CLPSL2: variants seen among roughly 807,000 people sequenced by gnomAD.
CLPSL2 encodes colipase-like protein 2.
CLPSL2 carries 4 observed loss-of-function variants against 7.9 expected under a neutral mutation model. That is an observed-to-expected ratio of 0.50 (90% CI 0.25 to 1.15). The LOEUF is 1.15. CLPSL2 is among the 50% of genes most tolerant of loss of function. The probability of loss-of-function intolerance (pLI) is 0.15; values close to 1 mark genes in which losing one functional copy is unlikely to be tolerated. For synonymous variants in CLPSL2, 67 were observed against 53.1 expected (o/e 1.26, Z -1.14); for missense variants, 132 against 136.6 (o/e 0.97, Z 0.17).
intron 2 of CLPSL2, 191 bp downstream of exon 2, chr6:35,777,772 G>C: frequency 1.4e-6 from 1 of 731,212 alleles, no homozygotes; most frequent in East Asian, 2.7e-5. Context: ...CCTCCTTGGA[G>C]CTCCTGTACC....
rs768141300 is a variant in CLPSL2 at position 35,779,383 on chromosome 6, CT to C, written c.238del (p.Cys80AlafsTer5). The C allele has an allele frequency of 6.3e-7, 1 of 1,583,048 alleles. No homozygotes were observed. Among genetic ancestry groups the C allele is most frequent in the Admixed American group, 1.8e-5 (1 of 55,610 alleles). On this transcript the variant is annotated frameshift_variant, in exon 3 of 3. Coordinates refer to ENST00000403376, the MANE Select transcript of CLPSL2 (RefSeq NM_207409.4). LOFTEE classifies it low-confidence loss of function (END_TRUNC). ...AAGGGAGCTACCAACATCATCTGCC[CT>C]TGCCGGATGGGCTTGACGTGCATAT... ...QTKGATNIIC[P>X]CRMGLTCISK... is the part of the protein sequence containing the mutation.
chr6:35,776,656 CG>C lies in CLPSL2; in HGVS notation c.43del (p.Ala15ArgfsTer48). On this transcript the variant is annotated frameshift_variant, in exon 1 of 3. Coordinates refer to ENST00000403376, the MANE Select transcript of CLPSL2 (RefSeq NM_207409.4). LOFTEE classifies it high-confidence loss of function. ...AALALVAGVL[S>X]GAVLPLWSAL... ...CTGGCGCTCGTGGCGGGGGTCCTGTCGGGGGCGGTGCTGCCCCTCTGGAGCG... is the reference window on the plus strand; with the variant it reads ...CTGGCGCTCGTGGCGGGGGTCCTGTCGGGGCGGTGCTGCCCCTCTGGAGCG... 6.7e-7 allele frequency: 1 copy of C among 1,493,608 alleles called. No individual in the cohort carries two copies. The allele number at this position is 1,493,608 out of a possible 1,614,324, so 92.5% of individuals were successfully genotyped here. A position where few individuals can be genotyped will look rare whatever the true frequency, so the allele number is the denominator to read the frequency against.
chr6:35,777,674 C>T, intron 2 of CLPSL2, 93 bp downstream of exon 2: 1 of 1,376,334 alleles, frequency 7.3e-7, no homozygotes, highest in South Asian at 1.4e-5. Context: ...TTTTTCACCT[C>T]TGTCTGGAGT....
At chr6:35,778,710 G>C (rs1314743251) in intron 2 of CLPSL2, among the ~76,000 whole-genome samples, 1 of 152,234 alleles carries the variant, frequency 6.6e-6, no homozygotes, top group Non-Finnish European at 1.5e-5. Flanking sequence ...CTATGTCCCT[G>C]TGTGGGGAGT....
chr6:35,778,359 G>A (rs1418370549), intron 2 of CLPSL2, among the ~76,000 whole-genome samples: 1 of 152,252 alleles, frequency 6.6e-6, no homozygotes, highest in Non-Finnish European at 1.5e-5. Context: ...CCCTGCCACA[G>A]TGACATGATT....
Position 35,776,714 on chromosome 6 carries a change from A to T in CLPSL2, c.84+12A>T. On this transcript the variant is annotated intron_variant, in intron 1 of 2. Coordinates refer to ENST00000403376, the MANE Select transcript of CLPSL2 (RefSeq NM_207409.4). ...CGCAATATAAAAAGGTGAGCCGGGG[A>T]GCGCGCCCAGCCGGCCGCGACCGCA... 7.3e-7 allele frequency: 1 copy of T among 1,377,792 alleles called. No individual in the cohort carries two copies. The highest frequency in any genetic ancestry group is 9.3e-7 in the Non-Finnish European group (1 of 1,070,044). 85.3% of individuals were successfully genotyped at this position (1,377,792 alleles called of 1,614,324 possible). A position where few individuals can be genotyped will look rare whatever the true frequency, so the allele number is the denominator to read the frequency against.
intron 2 of CLPSL2, among the ~76,000 whole-genome samples, chr6:35,778,881 C>T (rs1471639614): frequency 1.3e-5 from 2 of 152,132 alleles, no homozygotes; most frequent in African/African-American, 4.8e-5. Flanking sequence ...GCAACCTCCA[C>T]CTCCTGGGTT....
At chr6:35,779,266 G>T in intron 2 of CLPSL2, 89 bp from the exon 3 acceptor site, 1 of 1,065,360 alleles carries the variant, frequency 9.4e-7, no homozygotes, top group Non-Finnish European at 1.4e-6. Context: ...CTCCAGGCCT[G>T]GTACTCTTGG....
At chr6:35,777,906 C>T (rs563292873) in intron 2 of CLPSL2, 5 of 717,384 alleles carry the variant, frequency 7.0e-6, no homozygotes, top group Non-Finnish European at 1.0e-5. Context: ...GAAGCACCTA[C>T]CCCCAGCTTA....
In CLPSL2 at chr6:35,779,492, C is replaced by T. The variant is rs1011172654; in HGVS notation, c.*42C>T. The T allele has an allele frequency of 1.9e-6, 3 of 1,553,676 alleles. No homozygotes were observed. The African/African-American group carries it at 4.1e-5, about 21-fold the overall frequency. ...GTCACTGCTCCCTTGGGGCCATAGG[C>T]CCTGGTTGCCACCAACTTGCTCCAA... On this transcript the variant is annotated 3_prime_UTR_variant, in exon 3 of 3. Coordinates refer to ENST00000403376, the MANE Select transcript of CLPSL2 (RefSeq NM_207409.4).
In CLPSL2 at chr6:35,779,395, G is replaced by A. The variant is rs769805715; in HGVS notation, c.248G>A (p.Gly83Asp). 1 of 1,585,880 alleles carries A rather than the reference G, an allele frequency of 6.3e-7. No homozygotes were observed. The highest frequency in any genetic ancestry group is 1.2e-5 in the South Asian group (1 of 86,704). ...AACATCATCTGCCCTTGCCGGATGG[G>A]CTTGACGTGCATATCCAAGGACTTG... The part of the protein sequence containing the change: ...ATNIICPCRM[G>D]LTCISKDLMC... Residue 83 changes from glycine to aspartate, a missense_variant, in exon 3 of 3, where the codon GGC (glycine) becomes GAC (aspartate). Coordinates refer to ENST00000403376, the MANE Select transcript of CLPSL2 (RefSeq NM_207409.4).
chr6:35,779,435 G>T lies in CLPSL2; in HGVS notation c.288G>T (p.Arg96=). The T allele has an allele frequency of 6.3e-7, 1 of 1,582,474 alleles. No homozygotes were observed. Among genetic ancestry groups the T allele is most frequent in the Non-Finnish European group, 8.6e-7 (1 of 1,164,136 alleles). Residue 96 remains arginine, a synonymous_variant, in exon 3 of 3, where the codon CGG becomes CGT. Coordinates refer to ENST00000403376, the MANE Select transcript of CLPSL2 (RefSeq NM_207409.4). ...CCAAGGACTTGATGTGTTCCCGCCG[G>T]TGCCATATGATTTAGAGGAAGATGC... ...CISKDLMCSR[R]CHMI
At chr6:35,776,785 G>A (rs1226129407) in intron 1 of CLPSL2, 83 bp downstream of exon 1, 2 of 1,249,370 alleles carry the variant, frequency 1.6e-6, no homozygotes, top group Admixed American at 4.1e-5. Context: ...CGAAGGCGCC[G>A]GGCAGCCTGA....
rs775475316 is a variant in CLPSL2 at position 35,777,544 on chromosome 6, C to T, written c.170C>T (p.Ala57Val). 48 of 1,613,516 alleles carry T rather than the reference C, an allele frequency of 3.0e-5. No homozygotes were observed. Among genetic ancestry groups the T allele is most frequent in the Non-Finnish European group, 3.4e-5 (40 of 1,179,748 alleles). The change falls in exon 2 of 3, where the codon GCC (alanine) becomes GTC (valine). Residue 57 changes from alanine (A) to valine (V), a missense_variant. Coordinates refer to ENST00000403376, the MANE Select transcript of CLPSL2 (RefSeq NM_207409.4). ...MDLDSGGAFC[A>V]PRARITMICL... ...TTGGACTCCGGTGGAGCCTTCTGTG[C>T]CCCCAGGGCCAGAATAACCATGATC...
Position 35,779,463 on chromosome 6 carries a change from G to C in CLPSL2, c.*13G>C. 6.4e-7 allele frequency: 1 copy of C among 1,564,094 alleles called. No individual in the cohort carries two copies. The highest frequency in any genetic ancestry group is 8.7e-7 in the Non-Finnish European group (1 of 1,153,998). ...CCATATGATTTAGAGGAAGATGCAG[G>C]CTGGTCACTGCTCCCTTGGGGCCAT... On this transcript the variant is annotated 3_prime_UTR_variant, in exon 3 of 3. Coordinates refer to ENST00000403376, the MANE Select transcript of CLPSL2 (RefSeq NM_207409.4).
At chr6:35,779,242 C>T in intron 2 of CLPSL2, 113 bp from the exon 3 acceptor site, 1 of 781,248 alleles carries the variant, frequency 1.3e-6, no homozygotes, top group Non-Finnish European at 2.0e-6. Context: ...TAGAGACAGC[C>T]CAGGTCTGTC....
chr6:35,776,662 C>T lies in CLPSL2; in HGVS notation c.44C>T (p.Ala15Val). Residue 15 changes from alanine (A) to valine (V), a missense_variant, in exon 1 of 3, where the codon GCG becomes GTG. Transcript: ENST00000403376. Reference protein sequence around the residue: ...LALVAGVLSGAVLPLWSALPQ... With the variant: ...LALVAGVLSGVVLPLWSALPQ... ...CTCGTGGCGGGGGTCCTGTCGGGGGCGGTGCTGCCCCTCTGGAGCGCGCTT... is the reference window on the plus strand; with the variant it reads ...CTCGTGGCGGGGGTCCTGTCGGGGGTGGTGCTGCCCCTCTGGAGCGCGCTT... 1 of 1,485,858 alleles carries T rather than the reference C, an allele frequency of 6.7e-7. No individual in the cohort carries two copies. Among genetic ancestry groups the T allele is most frequent in the Non-Finnish European group, 8.9e-7 (1 of 1,125,746 alleles). The allele number at this position is 1,485,858 out of a possible 1,614,324, so 92.0% of individuals were successfully genotyped here.
intron 1 of CLPSL2, among the ~76,000 whole-genome samples, chr6:35,777,040 T>G (rs1220226157): frequency 6.6e-6 from 1 of 151,892 alleles, no homozygotes; most frequent in African/African-American, 2.4e-5. Context: ...TTTCTCCTCC[T>G]CTTCTTCCAC....
intron 2 of CLPSL2, chr6:35,777,969 G>GTTTT (rs1465258396): frequency 1.4e-6 from 1 of 710,470 alleles, no homozygotes; most frequent in Admixed American, 2.0e-5. Context: ...TTGTTTGTTT[G>GTTTT]TTTCGAGATG....
Sources: allele counts gnomAD v4.1 joint callset (sites outside exome capture counted in the v4.1 genomes callset), GRCh38; gene constraint gnomAD v4.1.1; transcripts MANE v1.5; gene names NCBI Gene and HGNC (gene_info 2026-07-23, HGNC 2026-07-21).